The following REXO5 variants were observed in gnomAD, a reference collection of about 807,000 sequenced individuals.
The protein encoded by REXO5 is RNA exonuclease 5.
A neutral mutation model predicts 88.5 loss-of-function variants in REXO5; 48 were observed. That is an observed-to-expected ratio of 0.54 (90% CI 0.43 to 0.69). The LOEUF (loss-of-function observed/expected upper bound fraction) is 0.69, where lower values mean the gene tolerates loss of function less well. REXO5 is among the 30% of genes least tolerant of loss of function. REXO5 has a pLI of 0.00. For missense variants in REXO5, 749 were observed against 912.2 expected, an observed-to-expected ratio of 0.82 and a Z score of 2.30; for synonymous variants, 311 against 336.5, an observed-to-expected ratio of 0.92 and a Z score of 0.83.
rs1296392650 is a variant in REXO5, at chr16:20,826,940, G to A, written c.822-118G>A. 2.3e-5 allele frequency: 22 copies of A among 947,442 alleles called. No homozygotes were observed. In the East Asian group the frequency reaches 5.4e-4, roughly 23 times the overall value. 58.7% of individuals were successfully genotyped at this position (947,442 alleles called of 1,614,324 possible). On this transcript the variant is annotated intron_variant, in intron 8 of 19. Transcript: ENST00000261377. ...TTTTTAATTCTTATTTGTCACTTTGGACACTAAGCATATATATATTAACAG... is the reference window on the plus strand; with the variant it reads ...TTTTTAATTCTTATTTGTCACTTTGAACACTAAGCATATATATATTAACAG...
chr16:20,841,247 T>C (rs1448170876), intron 15 of REXO5, among the ~76,000 whole-genome samples: 3 of 152,192 alleles, frequency 2.0e-5, no homozygotes, highest in Non-Finnish European at 4.4e-5. Flanking sequence ...GTCTCCATCT[T>C]CACAGTCATA....
At chr16:20,820,838 A>G (rs1162800763) in intron 5 of REXO5, among the ~76,000 whole-genome samples, 2 of 151,768 alleles carry the variant, frequency 1.3e-5, no homozygotes, top group African/African-American at 4.8e-5. Flanking sequence ...TGCTGGAATT[A>G]CAGGTGTGAG....
chr16:20,829,282 G>A (rs2081305790), intron 11 of REXO5, among the ~76,000 whole-genome samples: 1 of 152,102 alleles, frequency 6.6e-6, no homozygotes, highest in African/African-American at 2.4e-5. Context: ...TATCCTGGTG[G>A]TGTGGTGATT....
At chr16:20,837,439 C>T (rs1596603997) in intron 13 of REXO5, among the ~76,000 whole-genome samples, 2 of 152,024 alleles carry the variant, frequency 1.3e-5, no homozygotes, top group East Asian at 1.9e-4. Flanking sequence ...AATTTTCTTC[C>T]TCATGGACTT....
At chr16:20,830,169 T>C (rs2152506735) in intron 11 of REXO5, among the ~76,000 whole-genome samples, 1 of 152,258 alleles carries the variant, frequency 6.6e-6, no homozygotes, top group East Asian at 1.9e-4. Flanking sequence ...CAATGACCAC[T>C]ACCAAGGAAT....
At chr16:20,814,256 G>A (rs1382056612) in intron 3 of REXO5, among the ~76,000 whole-genome samples, 1 of 151,818 alleles carries the variant, frequency 6.6e-6, no homozygotes, top group Non-Finnish European at 1.5e-5. Flanking sequence ...TTTTGGTGGG[G>A]GATGGAGCCT....
chr16:20,846,485 C>T, intron 19 of REXO5, 146 bp downstream of exon 19: 1 of 595,802 alleles, frequency 1.7e-6, no homozygotes, highest in Non-Finnish European at 3.0e-6. Context: ...AAAAGATAGG[C>T]ATTGTATTCC....
chr16:20,815,260 G>A (rs906088723), intron 4 of REXO5, among the ~76,000 whole-genome samples: 3 of 152,150 alleles, frequency 2.0e-5, no homozygotes, highest in Non-Finnish European at 4.4e-5. Context: ...GTTATAATCT[G>A]TAGCTCCTAG....
At chr16:20,844,279 G>T (rs1475989987) in intron 16 of REXO5, among the ~76,000 whole-genome samples, 4 of 152,138 alleles carry the variant, frequency 2.6e-5, no homozygotes, top group Non-Finnish European at 5.9e-5. Flanking sequence ...TAAGTCCCCT[G>T]TGGTTTATTC....
At chr16:20,832,960 G>T in intron 12 of REXO5, 43 bp from the exon 13 acceptor site, 1 of 1,576,802 alleles carries the variant, frequency 6.3e-7, no homozygotes, top group East Asian at 2.2e-5. Flanking sequence ...GTCAGGTTCT[G>T]GAAAACTGTT....
intron 13 of REXO5, among the ~76,000 whole-genome samples, chr16:20,834,019 G>A (rs1887053989): frequency 6.6e-6 from 1 of 152,152 alleles, no homozygotes; most frequent in South Asian, 2.1e-4. Flanking sequence ...CTTTAAAGCT[G>A]TAACAGTTCC....
intron 6 of REXO5, among the ~76,000 whole-genome samples, chr16:20,823,741 A>C (rs2081221500): frequency 6.6e-6 from 1 of 152,202 alleles, no homozygotes; most frequent in Non-Finnish European, 1.5e-5. Flanking sequence ...CTCTGCCTGA[A>C]GGTAGAAATC....
In REXO5 at chr16:20,845,154, T is replaced by C. The variant is rs780860753; in HGVS notation, c.2037T>C (p.His679=). The change falls in exon 18 of 20, where the codon CAT becomes CAC. Residue 679 remains histidine, a synonymous_variant. Transcript: ENST00000261377. ...GRHALTPRHL[H]AWLRGLPPES... ...ATGCCCTAACCCCCAGGCACCTCCA[T>C]GCCTGGCTCAGAGGCTTACCACCTG... 6.2e-7 allele frequency: 1 copy of C among 1,614,170 alleles called. No homozygotes were observed. Among genetic ancestry groups the C allele is most frequent in the South Asian group, 1.1e-5 (1 of 91,084 alleles).
chr16:20,830,569 T>C (rs1053687756), intron 11 of REXO5, among the ~76,000 whole-genome samples: 1 of 152,104 alleles, frequency 6.6e-6, no homozygotes, highest in African/African-American at 2.4e-5. Flanking sequence ...CAAAGCACTA[T>C]CTCCCCAAAT....
Position 20,840,398 on chromosome 16 carries a change from G to A in REXO5, c.1556G>A (p.Arg519Lys). Residue 519 changes from arginine to lysine, a missense_variant, in exon 15 of 20, where the codon AGG becomes AAG. Coordinates refer to ENST00000261377, the MANE Select transcript of REXO5 (RefSeq NM_030941.3). ...AGPFSKNCNL[R>K]ALKRLFKSFG... ...CCATTTAGCAAAAATTGCAATCTCAGGGCTCTGAAGAGGCTGTTTAAAAGC... is the reference window on the plus strand; with the variant it reads ...CCATTTAGCAAAAATTGCAATCTCAAGGCTCTGAAGAGGCTGTTTAAAAGC... 1.3e-6 allele frequency: 2 copies of A among 1,585,402 alleles called. No homozygotes were observed. Among genetic ancestry groups the A allele is most frequent in the Non-Finnish European group, 1.7e-6 (2 of 1,158,828 alleles).
chr16:20,823,811 G>T (rs972285272), intron 6 of REXO5, among the ~76,000 whole-genome samples: 1 of 152,162 alleles, frequency 6.6e-6, no homozygotes, highest in Non-Finnish European at 1.5e-5. Context: ...TGGACTCAGG[G>T]TTCACAAATA....
chr16:20,822,962 G>A (rs775278486), intron 6 of REXO5, among the ~76,000 whole-genome samples: 8 of 152,192 alleles, frequency 5.3e-5, no homozygotes, highest in Non-Finnish European at 1.0e-4. Context: ...TTGAGGAACT[G>A]TCAGGCTGTG....
chr16:20,832,357 T>C, intron 12 of REXO5, 98 bp downstream of exon 12: 3 of 722,568 alleles, frequency 4.2e-6, no homozygotes, highest in Non-Finnish European at 6.5e-6. Flanking sequence ...TTTGAGTCTA[T>C]TAAAAACTAT....
chr16:20,819,361 C>T (rs377650495), intron 5 of REXO5, among the ~76,000 whole-genome samples: 29 of 151,556 alleles, frequency 1.9e-4, no homozygotes, highest in African/African-American at 6.3e-4. Flanking sequence ...CTTTCTACTT[C>T]GCTTTCTTTC....
Sources: gnomAD v4.1 joint callset for allele counts (sites outside exome capture counted in the v4.1 genomes callset) on GRCh38, gnomAD v4.1.1 for gene constraint, MANE v1.5 for transcripts, NCBI Gene and HGNC (gene_info 2026-07-23, HGNC 2026-07-21) for gene names.